The following CADPS2 variants were observed in gnomAD, a reference collection of about 807,000 sequenced individuals.
The protein encoded by CADPS2 is calcium-dependent secretion activator 2.
CADPS2 carries 93 observed loss-of-function variants against 172.5 expected under a neutral mutation model. The ratio of observed to expected loss-of-function variants is 0.54; its 90% CI spans 0.46 to 0.64. The LOEUF is 0.64. Ranked by LOEUF, CADPS2 falls within the 30% of genes least tolerant of loss-of-function variation. The pLI is 0.00. For missense variants in CADPS2, 1,420 were observed against 1,565.9 expected (o/e 0.91, Z 1.57); for synonymous variants, 546 against 555.2 (o/e 0.98, Z 0.23).
chr7:122,550,366 T>C (rs554141166), intron 8 of CADPS2, among the ~76,000 whole-genome samples: 4 of 152,280 alleles, frequency 2.6e-5, no homozygotes, highest in South Asian at 2.1e-4. Flanking sequence ...ATGAGATTCA[T>C]CTCAGAGTAG....
chr7:122,863,134 G>T (rs1817397632), intron 1 of CADPS2, among the ~76,000 whole-genome samples: 1 of 152,262 alleles, frequency 6.6e-6, no homozygotes, highest in African/African-American at 2.4e-5. Flanking sequence ...CATTATTGCT[G>T]CTGGTGACAT....
chr7:122,609,659 GT>G (rs1205850953), intron 6 of CADPS2, among the ~76,000 whole-genome samples: 1 of 152,130 alleles, frequency 6.6e-6, no homozygotes, highest in Non-Finnish European at 1.5e-5. Context: ...TATATTCTAG[GT>G]TATGTACCAA....
chr7:122,777,873 G>A (rs964719864), intron 1 of CADPS2, among the ~76,000 whole-genome samples: 2 of 152,034 alleles, frequency 1.3e-5, no homozygotes, highest in Non-Finnish European at 2.9e-5. Flanking sequence ...GCATGAGAAT[G>A]GACTAATACA....
chr7:122,707,797 C>T (rs1280465933), intron 2 of CADPS2, among the ~76,000 whole-genome samples: 2 of 150,886 alleles, frequency 1.3e-5, no homozygotes, highest in Non-Finnish European at 3.0e-5. Flanking sequence ...TTAATGTTTT[C>T]TTATATATAT....
At chr7:122,621,152 T>C (rs2075565252) in intron 5 of CADPS2, among the ~76,000 whole-genome samples, 2 of 152,116 alleles carry the variant, frequency 1.3e-5, no homozygotes, top group Non-Finnish European at 2.9e-5. Context: ...TCCTCTCGCC[T>C]CGGCCTCCCA....
chr7:122,460,408 T>C (rs139723771), intron 14 of CADPS2, among the ~76,000 whole-genome samples: 16 of 151,674 alleles, frequency 1.1e-4, no homozygotes, highest in African/African-American at 3.1e-4. Context: ...TAGACCTAAT[T>C]TGGATGAGCT....
intron 3 of CADPS2, among the ~76,000 whole-genome samples, chr7:122,638,597 C>T (rs1052324376): frequency 3.3e-5 from 5 of 152,174 alleles, no homozygotes; most frequent in South Asian, 4.1e-4. Flanking sequence ...GGGGTCCCCA[C>T]GGACTTGAGT....
chr7:122,513,392 A>G, intron 8 of CADPS2, 77 bp from the exon 9 acceptor site: 1 of 1,205,974 alleles, frequency 8.3e-7, no homozygotes, highest in Admixed American at 2.3e-5. Flanking sequence ...TTTCTTCCAT[A>G]GGTATTTATT....
At chr7:122,335,130 AT>A (rs1408568783) in intron 28 of CADPS2, among the ~76,000 whole-genome samples, 1 of 152,258 alleles carries the variant, frequency 6.6e-6, no homozygotes, top group Non-Finnish European at 1.5e-5. Flanking sequence ...TAGTAATTGA[AT>A]GAGTTTGTTT....
chr7:122,621,569 C>T lies in CADPS2; in HGVS notation c.1016G>A (p.Arg339His), dbSNP rs746180204. 4 of 1,613,618 alleles carry T rather than the reference C, an allele frequency of 2.5e-6. No homozygotes were observed. The highest frequency in any genetic ancestry group is 3.3e-5 in the Admixed American group (2 of 59,970). ...GPEFKLQKLK[R>H]SQNSAFLDIG... ...GTCCAAAAATGCAGAGTTCTGTGAA[C>T]GTTTTAATTTTTGTAATTTAAATTC... The change falls in exon 5 of 30, where the codon CGT (arginine) becomes CAT (histidine). Residue 339 changes from arginine to histidine, a missense_variant. Arg to His is a conservative substitution (Grantham distance 29). Coordinates refer to ENST00000449022, the MANE Select transcript of CADPS2 (RefSeq NM_017954.11).
intron 8 of CADPS2, among the ~76,000 whole-genome samples, chr7:122,519,564 CTT>C (rs147815601): frequency 0.024 from 3,681 of 152,070 alleles, 149 homozygotes; most frequent in African/African-American, 0.085. Context: ...TAATCCCTCT[CTT>C]GGGTTATTTC....
At chr7:122,790,745 A>C (rs765811059) in intron 1 of CADPS2, among the ~76,000 whole-genome samples, 1 of 152,154 alleles carries the variant, frequency 6.6e-6, no homozygotes, top group South Asian at 2.1e-4. Context: ...AATTTGTTTT[A>C]AGATAGCTCT....
chr7:122,566,888 C>T (rs951658381), intron 7 of CADPS2, among the ~76,000 whole-genome samples: 13 of 152,190 alleles, frequency 8.5e-5, no homozygotes, highest in Admixed American at 8.5e-4. Flanking sequence ...ATTAATTGGA[C>T]ATACACTGTG....
At chr7:122,728,667 T>C (rs1246937741) in intron 2 of CADPS2, among the ~76,000 whole-genome samples, 2 of 151,786 alleles carry the variant, frequency 1.3e-5, no homozygotes, top group African/African-American at 2.4e-5. Flanking sequence ...ACGGAAGAAA[T>C]TAACATTCAG....
At chr7:122,476,234 T>A (rs564789337) in intron 12 of CADPS2, among the ~76,000 whole-genome samples, 1 of 152,078 alleles carries the variant, frequency 6.6e-6, no homozygotes. Context: ...CTGCTAAATT[T>A]TATACCTTAT....
At chr7:122,569,898 C>T (rs1326286972) in intron 7 of CADPS2, among the ~76,000 whole-genome samples, 1 of 143,096 alleles carries the variant, frequency 7.0e-6, no homozygotes, top group Non-Finnish European at 1.5e-5. Flanking sequence ...GGATTAAAGA[C>T]TTAAACGTTA....
In CADPS2 at chr7:122,500,311, G is replaced by A. The variant is rs374747275; in HGVS notation, c.1543-8891C>T. On this transcript the variant is annotated intron_variant, in intron 9 of 29. Transcript: ENST00000449022. ...CCACAGTGTGTGGCACAGAGTCACT[G>A]CTTCTGTATTTTGGCACGAAATTTA... is the stretch of plus-strand genomic sequence containing the variant. Among the ~76,000 whole-genome samples the A allele has an allele frequency of 5.3e-5, 8 of 151,980 alleles. No homozygotes were observed. In the East Asian group the frequency reaches 7.7e-4, roughly 15 times the overall value.
intron 1 of CADPS2, among the ~76,000 whole-genome samples, chr7:122,741,598 G>A (rs900489413): frequency 2.0e-5 from 3 of 151,976 alleles, no homozygotes; most frequent in African/African-American, 7.2e-5. Flanking sequence ...TTACAATCTT[G>A]AGGATTTCAA....
At chr7:122,500,573 C>T (rs1285106241) in intron 9 of CADPS2, among the ~76,000 whole-genome samples, 1 of 152,084 alleles carries the variant, frequency 6.6e-6, no homozygotes, top group Admixed American at 6.6e-5. Flanking sequence ...AAGTAGGCAC[C>T]CCATTATGTT....
Sources: gnomAD v4.1 joint callset for allele counts (sites outside exome capture counted in the v4.1 genomes callset) on GRCh38, gnomAD v4.1.1 for gene constraint, MANE v1.5 for transcripts, NCBI Gene and HGNC (gene_info 2026-07-23, HGNC 2026-07-21) for gene names.